GSE1: variants seen among roughly 807,000 people sequenced by gnomAD.
The protein encoded by GSE1 is genetic suppressor element 1.
Under a neutral mutation model 112.6 loss-of-function variants are expected in GSE1, and 32 were observed. The observed-to-expected ratio is 0.28, with a 90% CI of 0.21 to 0.38. GSE1 has a LOEUF of 0.38. Ranked by LOEUF, GSE1 falls within the 10% of genes least tolerant of loss-of-function variation. The probability of loss-of-function intolerance (pLI) is 1.00; values close to 1 mark genes in which losing one functional copy is unlikely to be tolerated. For missense variants in GSE1, 2,348 were observed against 1,699.2 expected (o/e 1.38, Z -6.71); for synonymous variants, 1,115 against 735.6 (o/e 1.52, Z -8.35).
chr16:85,216,004 C>G (rs1040869368), intron 1 of GSE1, among the ~76,000 whole-genome samples: 2 of 152,192 alleles, frequency 1.3e-5, no homozygotes, highest in African/African-American at 4.8e-5. Context: ...GACACGTGTT[C>G]CCTTCAGCCC....
At chr16:85,370,167 C>G (rs1319902999) in intron 2 of GSE1, among the ~76,000 whole-genome samples, 1 of 152,170 alleles carries the variant, frequency 6.6e-6, no homozygotes, top group African/African-American at 2.4e-5. Context: ...GCCCTGGATG[C>G]ACAGCCAAAG....
At chr16:85,616,573 G>T (rs1438683405) in intron 1 of GSE1, among the ~76,000 whole-genome samples, 2 of 152,236 alleles carry the variant, frequency 1.3e-5, no homozygotes, top group African/African-American at 2.4e-5. Flanking sequence ...AAACCACAGG[G>T]CTTCCCCTCC....
chr16:85,285,262 A>G (rs1228126737), intron 1 of GSE1: 1 of 152,184 alleles, frequency 6.6e-6, no homozygotes, highest in African/African-American at 2.4e-5. Flanking sequence ...CATTTGGTTA[A>G]ACTCACGAGA....
Position 85,238,640 on chromosome 16 carries a change from A to T in GSE1, c.2283+66833A>T, listed in dbSNP as rs530602529. Among the ~76,000 whole-genome samples the T allele has an allele frequency of 7.2e-5, 11 of 152,174 alleles. No individual in the cohort carries two copies. The East Asian group carries it at 2.1e-3, about 30-fold the overall frequency. On this transcript the variant is annotated intron_variant, in intron 1 of 2. Transcript: ENST00000637419. ...AGGAGCCAGGCAGGGTTTGGGTCGGAGCTGGGGTAGAGGAAGGCTCCAGGC... is the reference window on the plus strand; with the variant it reads ...AGGAGCCAGGCAGGGTTTGGGTCGGTGCTGGGGTAGAGGAAGGCTCCAGGC...
chr16:85,343,373 G>T (rs1013670305), intron 1 of GSE1, among the ~76,000 whole-genome samples: 1 of 152,122 alleles, frequency 6.6e-6, no homozygotes. Flanking sequence ...TGAGCAAGGG[G>T]TTGCCCTTGG....
In GSE1 at chr16:85,468,865, C is replaced by T. The variant is rs370851975; in HGVS notation, c.2464+111222C>T. Among the ~76,000 whole-genome samples, 17 of 152,334 alleles carry T rather than the reference C, an allele frequency of 1.1e-4. No homozygotes were observed. In the East Asian group the frequency reaches 1.7e-3, roughly 16 times the overall value. On this transcript the variant is annotated intron_variant, in intron 2 of 2. Coordinates refer to the GSE1 transcript ENST00000637419. ...TGAATAGGGCCACCCCCAAAATTCA[C>T]GTCTACCAGGAACCTCAGAATGTGA...
chr16:85,566,186 T>C (rs1293433651), intron 1 of GSE1, among the ~76,000 whole-genome samples: 1 of 152,182 alleles, frequency 6.6e-6, no homozygotes, highest in Non-Finnish European at 1.5e-5. Context: ...TGCTCCCAGC[T>C]GCACGCCGTC....
intron 1 of GSE1, among the ~76,000 whole-genome samples, chr16:85,208,732 G>T (rs2075164682): frequency 6.6e-6 from 1 of 151,070 alleles, no homozygotes. Flanking sequence ...GGCCGCAGTT[G>T]ACTGCTGCCC....
At chr16:85,618,546 A>G (rs937353813) in intron 1 of GSE1, among the ~76,000 whole-genome samples, 1 of 152,248 alleles carries the variant, frequency 6.6e-6, no homozygotes, top group Non-Finnish European at 1.5e-5. Context: ...TCTGTGGAAT[A>G]GGAATGACAA....
At chr16:85,633,422 C>T (rs973239248) in intron 1 of GSE1, among the ~76,000 whole-genome samples, 1 of 152,242 alleles carries the variant, frequency 6.6e-6, no homozygotes, top group African/African-American at 2.4e-5. Flanking sequence ...CATTGCCATG[C>T]GTGCCTGGCA....
chr16:85,458,459 G>T (rs1567503352), intron 2 of GSE1, among the ~76,000 whole-genome samples: 1 of 152,258 alleles, frequency 6.6e-6, no homozygotes, highest in Non-Finnish European at 1.5e-5. Flanking sequence ...GCCCTAGCAG[G>T]AGGGCATTGG....
At chr16:85,549,336 C>G (rs960280987) in intron 2 of GSE1, among the ~76,000 whole-genome samples, 9 of 152,124 alleles carry the variant, frequency 5.9e-5, no homozygotes, top group Non-Finnish European at 1.2e-4. Context: ...GCCACTAAAC[C>G]TGGCTAGCAT....
At chr16:85,456,491 G>A (rs536520262) in intron 2 of GSE1, among the ~76,000 whole-genome samples, 39 of 152,062 alleles carry the variant, frequency 2.6e-4, no homozygotes, top group African/African-American at 9.4e-4. Context: ...ACACTGCCAC[G>A]AAGTCCGGGG....
intron 2 of GSE1, among the ~76,000 whole-genome samples, chr16:85,482,869 T>G (rs2050722879): frequency 1.3e-5 from 2 of 151,866 alleles, no homozygotes; most frequent in South Asian, 4.2e-4. Context: ...TCTCAGCTCC[T>G]TGGGAGGCTG....
chr16:85,238,970 C>G (rs1009928792), intron 1 of GSE1, among the ~76,000 whole-genome samples: 5 of 152,112 alleles, frequency 3.3e-5, no homozygotes, highest in African/African-American at 1.2e-4. Flanking sequence ...CGTTCTTGCT[C>G]ACACTGGAGT....
Position 85,419,480 on chromosome 16 carries a change from T to A in GSE1, c.2464+61837T>A, listed in dbSNP as rs982837072. Among the ~76,000 whole-genome samples the A allele has an allele frequency of 6.6e-6, 1 of 151,612 alleles. No homozygotes were observed. Among genetic ancestry groups the A allele is most frequent in the Non-Finnish European group, 1.5e-5 (1 of 67,890 alleles). ...AGTTAGCCAGGCGTGGTGGTGCACA[T>A]CTGTGGTCCTAGCTACTCGGGAGGC... On this transcript the variant is annotated intron_variant, in intron 2 of 2. Transcript: ENST00000637419. The surrounding 1 kb of genome is among the most constrained non-coding windows in gnomAD (Gnocchi z 6.5).
At chr16:85,594,031 C>T (rs904688018) in intron 1 of GSE1, 1 of 152,164 alleles carries the variant, frequency 6.6e-6, no homozygotes, top group Non-Finnish European at 1.5e-5. Context: ...ACACACTCGC[C>T]ATTCATTACC....
chr16:85,422,564 T>G, intron 2 of GSE1, among the ~76,000 whole-genome samples: 1 of 146,782 alleles, frequency 6.8e-6, no homozygotes. Context: ...CTGTGGGCCT[T>G]GCCCTGTTCT....
chr16:85,206,811 C>A (rs1373121217), intron 1 of GSE1, among the ~76,000 whole-genome samples: 2 of 151,998 alleles, frequency 1.3e-5, no homozygotes, highest in East Asian at 3.9e-4. Flanking sequence ...GAGGTGCTGG[C>A]CCCCCGCCAG....
Sources: allele counts gnomAD v4.1 joint callset (sites outside exome capture counted in the v4.1 genomes callset), GRCh38; gene constraint gnomAD v4.1.1; non-coding constraint Gnocchi (gnomAD v3.1); transcripts MANE v1.5; gene names NCBI Gene and HGNC (gene_info 2026-07-23, HGNC 2026-07-21).